SLC9A6: variants seen among roughly 807,000 people sequenced by gnomAD.
SLC9A6 encodes the protein solute carrier family 9 member A6.
A neutral mutation model predicts 45.3 loss-of-function variants in SLC9A6; 6 were observed. That is an observed-to-expected ratio of 0.13 (90% CI 0.07 to 0.26). SLC9A6 has a LOEUF of 0.26. SLC9A6 is among the 10% of genes least tolerant of loss of function. SLC9A6 has a pLI of 1.00. For missense variants in SLC9A6, 278 were observed against 503.7 expected (o/e 0.55, Z 4.29); for synonymous variants, 191 against 187.7 (o/e 1.02, Z -0.14).
upstream of SLC9A6, among the ~76,000 whole-genome samples, chrX:135,980,474 G>A (rs1333316537): frequency 6.3e-5 from 7 of 111,453 alleles, no homozygotes; most frequent in East Asian, 2.0e-3. Context: ...GCTTATCCTT[G>A]AATTGAATCT....
At position 136,039,097 on chromosome X, in the gene SLC9A6, C is replaced by T. The variant is rs782450663; in HGVS notation, c.1662-979C>T. The stretch of plus-strand genomic sequence containing the variant: ...AATGAGGAGGGAGGGCATGGAGGCT[C>T]ATGCCTGTAAACCCAACACTTTGGG... On this transcript the variant is annotated intron_variant, in intron 16 of 17. Transcript: ENST00000630721. Among the ~76,000 whole-genome samples the T allele has an allele frequency of 8.1e-5, 9 of 110,787 alleles. No homozygotes were observed. The South Asian group carries it at 1.1e-3, about 14-fold the overall frequency.
Position 136,031,868 on chromosome X carries a change from A to T in SLC9A6, c.1582-1546A>T, listed in dbSNP as rs148785966. On this transcript the variant is annotated intron_variant, in intron 15 of 17. Coordinates refer to ENST00000630721, the MANE Select transcript of SLC9A6 (RefSeq NM_001379110.1). ...GGAGGCACAGAAAGATACTTCTATG[A>T]TGTGAAAGGAATTGCAGGTGTTCTT... 4.1e-3 allele frequency among the ~76,000 whole-genome samples: 461 copies of T among 111,120 alleles called. 2 individuals are homozygous for T. The highest frequency in any genetic ancestry group is 0.015 in the African/African-American group (445 of 30,528).
At chrX:136,032,033 T>A (rs1356492134) in intron 15 of SLC9A6, among the ~76,000 whole-genome samples, 2 of 112,496 alleles carry the variant, frequency 1.8e-5, no homozygotes, top group Non-Finnish European at 3.8e-5. Context: ...ACCCAGAATC[T>A]AAACTCTGTG....
chrX:136,003,377 C>G (rs985030903), intron 7 of SLC9A6, among the ~76,000 whole-genome samples: 3 of 112,081 alleles, frequency 2.7e-5, no homozygotes, highest in Admixed American at 1.9e-4. Flanking sequence ...TCTTATTTGC[C>G]TCTCATTTCT....
Position 136,033,510 on chromosome X carries a change from G to GAAA in SLC9A6, c.1661+26_1661+28dup. 3 of 815,890 alleles carry GAAA rather than the reference G, an allele frequency of 3.7e-6. No individual in the cohort carries two copies. The highest frequency in any genetic ancestry group is 4.0e-5 in the East Asian group (1 of 24,816). The allele number at this position is 815,890 out of a possible 1,213,427, so 67.2% of individuals were successfully genotyped here. Reference sequence around the variant, plus strand: ...TGATCATAAGTATCCTTAATTGAGGGAAAAAAAAAAAGGATAATGTGGACA... The same window carrying GAAA: ...TGATCATAAGTATCCTTAATTGAGGGAAAAAAAAAAAAAAGGATAATGTGGACA... On this transcript the variant is annotated intron_variant, in intron 16 of 17. Transcript: ENST00000630721.
At chrX:136,005,154 CT>C (rs1252261760) in intron 7 of SLC9A6, among the ~76,000 whole-genome samples, 3 of 112,326 alleles carry the variant, frequency 2.7e-5, no homozygotes, top group African/African-American at 9.7e-5. Flanking sequence ...TGCCCTGTGC[CT>C]TAGTTTTTCC....
intron 3 of SLC9A6, among the ~76,000 whole-genome samples, chrX:135,995,191 ACT>A (rs1386211440): frequency 9.0e-6 from 1 of 111,527 alleles, no homozygotes; most frequent in African/African-American, 3.3e-5. Flanking sequence ...AAGTAGTATA[ACT>A]CTTTTTGTTT....
At chrX:135,989,427 A>G (rs1193870296) in intron 2 of SLC9A6, among the ~76,000 whole-genome samples, 1 of 112,153 alleles carries the variant, frequency 8.9e-6, no homozygotes, top group East Asian at 2.8e-4. Flanking sequence ...AAATATTTGT[A>G]TTGCCTTAAG....
intron 13 of SLC9A6, among the ~76,000 whole-genome samples, chrX:136,027,150 A>G (rs2071242580): frequency 8.9e-6 from 1 of 112,356 alleles, no homozygotes; most frequent in Non-Finnish European, 1.9e-5. Context: ...GAGAAGACAG[A>G]CAATAAGCTA....
intron 7 of SLC9A6, among the ~76,000 whole-genome samples, chrX:136,005,980 A>G (rs782730078): frequency 1.5e-4 from 17 of 112,061 alleles, no homozygotes; most frequent in East Asian, 8.4e-4. Flanking sequence ...ATAGAATTGA[A>G]AAAATGAGTT....
intron 2 of SLC9A6, among the ~76,000 whole-genome samples, chrX:135,993,542 T>C (rs1206183606): frequency 8.9e-6 from 1 of 111,777 alleles, no homozygotes; most frequent in African/African-American, 3.3e-5. Context: ...TCCCAGCAGT[T>C]TGGGAGGCCG....
At chrX:136,032,337 G>A (rs1482419652) in intron 15 of SLC9A6, among the ~76,000 whole-genome samples, 2 of 112,604 alleles carry the variant, frequency 1.8e-5, no homozygotes, top group East Asian at 5.6e-4. Context: ...TTCCCAAAGT[G>A]TTGGGATTAC....
At chrX:135,991,510 G>A (rs782516828) in intron 2 of SLC9A6, among the ~76,000 whole-genome samples, 12 of 110,778 alleles carry the variant, frequency 1.1e-4, no homozygotes, top group African/African-American at 3.6e-4. Context: ...CACCCGCCTC[G>A]GCCTCCCAAA....
At chrX:136,012,204 G>C (rs185468886) in intron 8 of SLC9A6, among the ~76,000 whole-genome samples, 12 of 113,302 alleles carry the variant, frequency 1.1e-4, no homozygotes, top group Admixed American at 9.3e-4. Context: ...CTTCAGCCTT[G>C]TGCTGGAAGA....
chrX:136,009,100 C>G (rs1031983579), intron 7 of SLC9A6, among the ~76,000 whole-genome samples: 2 of 111,574 alleles, frequency 1.8e-5, no homozygotes, highest in African/African-American at 6.5e-5. Flanking sequence ...CAGCCAGTTA[C>G]TGTATTTTCA....
chrX:136,034,738 A>G (rs2071385276), intron 16 of SLC9A6, among the ~76,000 whole-genome samples: 1 of 112,017 alleles, frequency 8.9e-6, no homozygotes, highest in South Asian at 3.7e-4. Context: ...ACTGCTTGCA[A>G]GTACTTCAAA....
At chrX:135,997,239 A>G (rs1368986259) in intron 3 of SLC9A6, among the ~76,000 whole-genome samples, 5 of 109,207 alleles carry the variant, frequency 4.6e-5, no homozygotes, top group Non-Finnish European at 3.8e-5. Flanking sequence ...TATTTTTAAA[A>G]GAGATGGGGT....
In SLC9A6 at chrX:135,989,886, T is replaced by G. The variant is rs1400878601; in HGVS notation, c.169+4059T>G. Among the ~76,000 whole-genome samples the G allele has an allele frequency of 2.7e-5, 3 of 111,343 alleles. No individual in the cohort carries two copies. The East Asian group carries it at 8.5e-4, about 31-fold the overall frequency. On this transcript the variant is annotated intron_variant, in intron 2 of 17. Transcript: ENST00000630721. The stretch of plus-strand genomic sequence containing the variant: ...GGACCTCTCTGTTTTGTGAAAGATA[T>G]CTCTTTGTGGTTGTGTTTTTTTTGT...
chrX:135,997,045 CTT>C (rs2089513219), intron 3 of SLC9A6, among the ~76,000 whole-genome samples: 2 of 110,392 alleles, frequency 1.8e-5, no homozygotes, highest in Non-Finnish European at 3.8e-5. Context: ...GGATTACAGG[CTT>C]GAGCCACCAC....
Sources: allele counts gnomAD v4.1 joint callset (sites outside exome capture counted in the v4.1 genomes callset), GRCh38; gene constraint gnomAD v4.1.1; transcripts MANE v1.5; gene names NCBI Gene and HGNC (gene_info 2026-07-23, HGNC 2026-07-21).